CSTF3: variants seen among roughly 807,000 people sequenced by gnomAD.
CSTF3 encodes CF-1 77 kDa subunit.
In CSTF3, 29 loss-of-function variants were observed where a neutral mutation model predicts 105.8. The observed-to-expected ratio is 0.27, with a 90% CI of 0.20 to 0.37. The LOEUF (loss-of-function observed/expected upper bound fraction) is 0.37. Ranked by LOEUF, CSTF3 falls within the 10% of genes least tolerant of loss-of-function variation. The pLI, the probability that CSTF3 is intolerant of heterozygous loss-of-function variation, is 1.00. For missense variants in CSTF3, 357 were observed against 879.3 expected (o/e 0.41, Z 7.51); for synonymous variants, 252 against 281.9 (o/e 0.89, Z 1.06).
Position 33,096,883 on chromosome 11 carries a change from G to A in CSTF3, c.1224C>T (p.Arg408=), listed in dbSNP as rs1565003465. ...GTGCTGCAGTAACATAGACATGGTG[G>A]CGGGTTCTGGTATCTTCTCTTGCTT... The part of the protein sequence containing the change: ...FKKAREDTRT[R]HHVYVTAALM... The change falls in exon 14 of 21, where the codon CGC becomes CGT. Residue 408 remains arginine, a synonymous_variant. Transcript: ENST00000323959. 1 of 1,613,656 alleles carries A rather than the reference G, an allele frequency of 6.2e-7. No homozygotes were observed. The highest frequency in any genetic ancestry group is 2.2e-5 in the East Asian group (1 of 44,812).
chr11:33,126,509 G>A (rs775703736), intron 3 of CSTF3, among the ~76,000 whole-genome samples: 5 of 151,782 alleles, frequency 3.3e-5, no homozygotes, highest in Non-Finnish European at 5.9e-5. Flanking sequence ...TCTAAATAAT[G>A]TGAAAGCAGC....
At chr11:33,146,156 T>C (rs958616145) in intron 1 of CSTF3, among the ~76,000 whole-genome samples, 1 of 151,840 alleles carries the variant, frequency 6.6e-6, no homozygotes, top group African/African-American at 2.4e-5. Flanking sequence ...GAGAACTGCT[T>C]GAACCCAGGC....
chr11:33,144,714 A>C (rs1433384587), intron 1 of CSTF3, among the ~76,000 whole-genome samples: 2 of 152,222 alleles, frequency 1.3e-5, no homozygotes, highest in African/African-American at 4.8e-5. Context: ...TCTGCATTGG[A>C]AAAGCTCTTC....
intron 3 of CSTF3, among the ~76,000 whole-genome samples, chr11:33,120,070 T>C (rs557762186): frequency 3.3e-5 from 5 of 151,828 alleles, no homozygotes; most frequent in Middle Eastern, 6.8e-3. Flanking sequence ...TTCTAAAAGG[T>C]CAATCTAAAG....
chr11:33,121,453 CAT>C (rs1166420466), intron 3 of CSTF3, among the ~76,000 whole-genome samples: 1 of 152,126 alleles, frequency 6.6e-6, no homozygotes, highest in Non-Finnish European at 1.5e-5. Context: ...TTAACGAAAA[CAT>C]ATCCTATTTT....
intron 5 of CSTF3, among the ~76,000 whole-genome samples, chr11:33,106,793 G>A (rs1855331669): frequency 6.6e-6 from 1 of 152,030 alleles, no homozygotes; most frequent in Non-Finnish European, 1.5e-5. Flanking sequence ...TATCATTTAA[G>A]TTGCATAATT....
At chr11:33,125,300 G>A (rs1032894451) in intron 3 of CSTF3, among the ~76,000 whole-genome samples, 3 of 152,052 alleles carry the variant, frequency 2.0e-5, no homozygotes, top group African/African-American at 7.2e-5. Context: ...GAAGTCTTTG[G>A]AGGTCTGTTT....
chr11:33,112,651 C>T (rs1295514623), intron 3 of CSTF3, among the ~76,000 whole-genome samples: 1 of 152,104 alleles, frequency 6.6e-6, no homozygotes, highest in Non-Finnish European at 1.5e-5. Flanking sequence ...CACACCAATA[C>T]CCTGTCTTTA....
chr11:33,086,104 T>A (rs1347157306), intron 18 of CSTF3, 115 bp from the exon 19 acceptor site: 1 of 654,790 alleles, frequency 1.5e-6, no homozygotes, highest in Non-Finnish European at 2.3e-6. Context: ...TTCTGGACAC[T>A]GAAAATACTT....
chr11:33,092,484 G>A (rs551421480), intron 15 of CSTF3, 144 bp from the exon 16 acceptor site: 1 of 525,872 alleles, frequency 1.9e-6, no homozygotes, highest in African/African-American at 2.0e-5. Context: ...TATAGATGAG[G>A]AAACTTGAGC....
At chr11:33,086,918 C>A (rs1855111138) in intron 18 of CSTF3, 70 bp downstream of exon 18, 2 of 1,561,916 alleles carry the variant, frequency 1.3e-6, no homozygotes, top group African/African-American at 1.4e-5. Context: ...TGTCACTTTA[C>A]CCCCACGCTT....
At position 33,131,429 on chromosome 11, in the gene CSTF3, C is replaced by T. The variant is rs145226703; in HGVS notation, c.225+10238G>A. On this transcript the variant is annotated intron_variant, in intron 3 of 20. Coordinates refer to ENST00000323959, the MANE Select transcript of CSTF3 (RefSeq NM_001326.3). ...AAAGAAAGAGTCAGTTATAAACCTA[C>T]TATATATTAATAGCTATTTCCACAA... is the stretch of plus-strand genomic sequence containing the variant. 8.9e-3 allele frequency among the ~76,000 whole-genome samples: 1,362 copies of T among 152,198 alleles called. 5 individuals are homozygous for T. Among genetic ancestry groups the T allele is most frequent in the Non-Finnish European group, 0.013 (883 of 68,016 alleles).
intron 5 of CSTF3, among the ~76,000 whole-genome samples, chr11:33,107,301 G>T (rs961389440): frequency 2.6e-5 from 4 of 152,098 alleles, no homozygotes; most frequent in African/African-American, 9.7e-5. Context: ...CTGTACGACA[G>T]AGCTGAAACT....
intron 1 of CSTF3, among the ~76,000 whole-genome samples, chr11:33,152,927 C>T (rs1849806264): frequency 6.6e-6 from 1 of 151,476 alleles, no homozygotes; most frequent in Admixed American, 6.6e-5. Context: ...CACTGCACTC[C>T]AGCCTGAGCA....
chr11:33,115,015 A>G (rs1161559992), intron 3 of CSTF3, among the ~76,000 whole-genome samples: 1 of 152,198 alleles, frequency 6.6e-6, no homozygotes, highest in Non-Finnish European at 1.5e-5. Flanking sequence ...AGTACTGGGC[A>G]CATAGCAGAG....
chr11:33,085,132 AG>A lies in CSTF3; in HGVS notation c.2108del (p.Pro703LeufsTer63). ...GCCGTGCTCTGTAAATGTCATGAAC[AG>A]GGGGGACAACGGCTCCCTTTTCTTC... is the stretch of plus-strand genomic sequence containing the variant. Reference protein sequence around the residue: ...EDEEKGAVVPPVHDIYRARQQ... With the variant: ...EDEEKGAVVPXVHDIYRARQQ... On this transcript the variant is annotated frameshift_variant, in exon 21 of 21. Coordinates refer to ENST00000323959, the MANE Select transcript of CSTF3 (RefSeq NM_001326.3). LOFTEE classifies it high-confidence loss of function. 1 of 1,614,140 alleles carries A rather than the reference AG, an allele frequency of 6.2e-7. No individual in the cohort carries two copies. Among genetic ancestry groups the A allele is most frequent in the Non-Finnish European group, 8.5e-7 (1 of 1,180,018 alleles).
chr11:33,121,543 A>G (rs1855490042), intron 3 of CSTF3, among the ~76,000 whole-genome samples: 1 of 152,168 alleles, frequency 6.6e-6, no homozygotes, highest in Non-Finnish European at 1.5e-5. Flanking sequence ...ATATTTTCCA[A>G]AGTGATGCCA....
chr11:33,123,366 T>C (rs552235491), intron 3 of CSTF3, among the ~76,000 whole-genome samples: 3 of 152,266 alleles, frequency 2.0e-5, no homozygotes, highest in Admixed American at 6.5e-5. Flanking sequence ...TAAAACATTG[T>C]GTAAAGAGGA....
chr11:33,139,615 T>C (rs1178285066), intron 3 of CSTF3, among the ~76,000 whole-genome samples: 1 of 151,908 alleles, frequency 6.6e-6, no homozygotes, highest in African/African-American at 2.4e-5. Context: ...CAGCTCAGGA[T>C]ATGCATTTCT....
Sources: allele counts gnomAD v4.1 joint callset (sites outside exome capture counted in the v4.1 genomes callset), GRCh38; gene constraint gnomAD v4.1.1; transcripts MANE v1.5; gene names NCBI Gene and HGNC (gene_info 2026-07-23, HGNC 2026-07-21).